The following PARP9 variants were observed in gnomAD, a reference collection of about 807,000 sequenced individuals.
PARP9 encodes the protein poly(ADP-ribose) polymerase family member 9.
A neutral mutation model predicts 68.8 loss-of-function variants in PARP9; 48 were observed. That is an observed-to-expected ratio of 0.70 (90% CI 0.55 to 0.89). The LOEUF (loss-of-function observed/expected upper bound fraction) is 0.89, where lower values mean the gene tolerates loss of function less well. Ranked by LOEUF, PARP9 falls within the 40% of genes least tolerant of loss-of-function variation. PARP9 has a pLI of 0.00. For synonymous variants in PARP9, 309 were observed against 333.8 expected, an observed-to-expected ratio of 0.93 and a Z score of 0.81; for missense variants, 806 against 969.3, an observed-to-expected ratio of 0.83 and a Z score of 2.24.
In PARP9 at chr3:122,550,760, C is replaced by T. The variant is rs748701904; in HGVS notation, c.1150G>A (p.Glu384Lys). 10 of 1,614,088 alleles carry T rather than the reference C, an allele frequency of 6.2e-6. No homozygotes were observed. In the South Asian group the frequency reaches 6.6e-5, roughly 11 times the overall value. ...AAGGAAATGGAAGTTATATTTTGCT[C>T]AATGCATTTTTCCAAACACTCCTTC... ...AMKECLEKCI[E>K]QNITSISFPA... is the part of the protein sequence containing the mutation. Residue 384 changes from glutamate to lysine, a missense_variant, in exon 6 of 11, where the codon GAG becomes AAG. This residue lies in a region of PARP9 where 680 missense variants were observed against 858.8 expected (regional missense o/e 0.79). Transcript: ENST00000682323.
intron 8 of PARP9, among the ~76,000 whole-genome samples, chr3:122,539,806 C>T (rs1375585221): frequency 6.6e-6 from 1 of 152,044 alleles, no homozygotes; most frequent in South Asian, 2.1e-4. Flanking sequence ...TCAGGTGATG[C>T]GCCCACCTCG....
chr3:122,545,641 C>T, intron 6 of PARP9, 152 bp from the exon 7 acceptor site: 1 of 686,674 alleles, frequency 1.5e-6, no homozygotes, highest in East Asian at 2.7e-5. Flanking sequence ...TTAGGAAAGT[C>T]CCAGAGAAGA....
rs1193925196 is a variant in PARP9, at chr3:122,552,576, T to C, written c.949A>G (p.Ile317Val). The change falls in exon 5 of 11, where the codon ATT becomes GTT. Residue 317 changes from isoleucine (I) to valine (V), a missense_variant. Physicochemically the swap from Ile to Val is conservative, Grantham distance 29. This residue lies in a region of PARP9 where 680 missense variants were observed against 858.8 expected (regional missense o/e 0.79). Transcript: ENST00000682323. Reference protein sequence around the residue: ...DITVGPVAKSILQQAGVEMKS... With the variant: ...DITVGPVAKSVLQQAGVEMKS... ...ATTTCAACTCCTGCTTGTTGTAGAA[T>C]TGACTTTGCCACAGGTCCAACTGTA... 2.5e-6 allele frequency: 4 copies of C among 1,614,012 alleles called. No individual in the cohort carries two copies. Among genetic ancestry groups the C allele is most frequent in the East Asian group, 2.2e-5 (1 of 44,878 alleles).
intron 4 of PARP9, 140 bp downstream of exon 4, chr3:122,555,146 G>C (rs1308539277): frequency 1.1e-6 from 1 of 879,684 alleles, no homozygotes; most frequent in Non-Finnish European, 1.7e-6. Context: ...TGGGTTACAG[G>C]CATGTACCAC....
At chr3:122,536,890 A>G (rs1559810700) in intron 9 of PARP9, 44 bp downstream of exon 9, 1 of 1,578,704 alleles carries the variant, frequency 6.3e-7, no homozygotes, top group Non-Finnish European at 8.6e-7. Context: ...AAACAAGTTA[A>G]TTAACAACAA....
At chr3:122,533,783 G>A in intron 10 of PARP9, 1 of 985,428 alleles carries the variant, frequency 1.0e-6, no homozygotes, top group Non-Finnish European at 1.2e-6. Context: ...TGGTTGGAAT[G>A]CAAACATAAA....
At chr3:122,530,378 A>G (rs2077226517) in intron 10 of PARP9, among the ~76,000 whole-genome samples, 1 of 152,106 alleles carries the variant, frequency 6.6e-6, no homozygotes. Context: ...CTCCACGTGC[A>G]TGTTATCTAG....
chr3:122,528,427 T>G lies in PARP9; in HGVS notation c.2397A>C (p.Gly799=). The G allele has an allele frequency of 6.2e-7, 1 of 1,614,232 alleles. No individual in the cohort carries two copies. Among genetic ancestry groups the G allele is most frequent in the Non-Finnish European group, 8.5e-7 (1 of 1,180,038 alleles). ...GATGCTGTGCAAAGGGTCTCATTGG[T>G]CCTGATGAGTAATCTTGTGACTGTA... ...EYVQSQDYSS[G]PMRPFAQHPW... The change falls in exon 11 of 11, where the codon GGA becomes GGC. Residue 799 remains glycine (G), a synonymous_variant. Coordinates refer to ENST00000682323, the MANE Select transcript of PARP9 (RefSeq NM_001146105.2).
intron 10 of PARP9, among the ~76,000 whole-genome samples, chr3:122,529,907 TC>T (rs1391100695): frequency 6.6e-6 from 1 of 151,902 alleles, no homozygotes; most frequent in African/African-American, 2.4e-5. Flanking sequence ...GAAAAATATG[TC>T]ATCTGGGCCC....
chr3:122,542,800 G>A (rs1340549138), intron 7 of PARP9, among the ~76,000 whole-genome samples: 1 of 151,862 alleles, frequency 6.6e-6, no homozygotes, highest in African/African-American at 2.4e-5. Context: ...TCTAACTTTA[G>A]TATATGTGTT....
Position 122,533,386 on chromosome 3 carries a change from CA to C in PARP9, c.2080+2781del, listed in dbSNP as rs2077433729. 3 of 152,072 alleles carry C rather than the reference CA, an allele frequency of 2.0e-5. No individual in the cohort carries two copies. The South Asian group carries it at 6.2e-4, about 32-fold the overall frequency. The allele number at this position is 152,072 out of a possible 1,614,324, so 9.4% of individuals were successfully genotyped here. ...CTATGGGACATCTGGGTAAAGATGT[CA>C]AAAAGAGAGTGAGACATATGAACCT... On this transcript the variant is annotated intron_variant, in intron 10 of 10. Transcript: ENST00000682323.
chr3:122,528,723 T>C lies in PARP9; in HGVS notation c.2101A>G (p.Ile701Val), dbSNP rs2107526622. The C allele has an allele frequency of 1.9e-6, 3 of 1,598,224 alleles. No homozygotes were observed. The highest frequency in any genetic ancestry group is 4.5e-5 in the East Asian group (2 of 44,692). Residue 701 changes from isoleucine to valine, a missense_variant, in exon 11 of 11, where the codon ATA (isoleucine) becomes GTA (valine). Ile to Val is a conservative substitution (Grantham distance 29, BLOSUM62 3). This residue lies in a region of PARP9 where 680 missense variants were observed against 858.8 expected (regional missense o/e 0.79). Transcript: ENST00000682323. ...TTTTTGAGGTTCTTGGTGAAGTATA[T>C]GCCAGCTCCGTATTTTGGATCTGAT... Reference protein sequence around the residue: ...TPCDPKYGAGIYFTKNLKNLA... With the variant: ...TPCDPKYGAGVYFTKNLKNLA...
Position 122,552,651 on chromosome 3 carries a change from A to C in PARP9, c.886-12T>G. The stretch of plus-strand genomic sequence containing the variant: ...ACAATTACATCTGCCTGAAAAGGGA[A>C]GAAAGGGTAGGATTCATTGTTAAAT... On this transcript the variant is annotated splice_polypyrimidine_tract_variant and intron_variant, in intron 4 of 10. Coordinates refer to ENST00000682323, the MANE Select transcript of PARP9 (RefSeq NM_001146105.2). 1 of 1,569,638 alleles carries C rather than the reference A, an allele frequency of 6.4e-7. No homozygotes were observed. The highest frequency in any genetic ancestry group is 8.8e-7 in the Non-Finnish European group (1 of 1,140,170).
chr3:122,539,557 T>G, intron 8 of PARP9, among the ~76,000 whole-genome samples: 1 of 137,248 alleles, frequency 7.3e-6, no homozygotes, highest in East Asian at 2.2e-4. Flanking sequence ...CTTTCTTTCT[T>G]TCTTTCTTTC....
chr3:122,558,714 A>G (rs2079930868), intron 2 of PARP9, among the ~76,000 whole-genome samples: 1 of 151,930 alleles, frequency 6.6e-6, no homozygotes, highest in Non-Finnish European at 1.5e-5. Flanking sequence ...TTTAAATTTA[A>G]TTTTATTGTT....
At chr3:122,552,138 TCA>T (rs2079253899) in intron 5 of PARP9, among the ~76,000 whole-genome samples, 1 of 152,044 alleles carries the variant, frequency 6.6e-6, no homozygotes, top group South Asian at 2.1e-4. Flanking sequence ...TAGGCTGGTC[TCA>T]GACTCCTGGG....
At chr3:122,542,417 T>A (rs774852250) in intron 7 of PARP9, among the ~76,000 whole-genome samples, 47 of 151,584 alleles carry the variant, frequency 3.1e-4, no homozygotes, top group Non-Finnish European at 5.5e-4. Context: ...AATACTAATT[T>A]TTTTTTTGAG....
chr3:122,540,329 G>T (rs1251286469), intron 8 of PARP9, 143 bp downstream of exon 8: 5 of 1,064,698 alleles, frequency 4.7e-6, no homozygotes, highest in Non-Finnish European at 6.6e-6. Flanking sequence ...GCTCACAAAG[G>T]CTTATGATCT....
rs774833801 is a variant in PARP9 at position 122,545,507 on chromosome 3, G to A, written c.1327-18C>T. 2.5e-6 allele frequency: 4 copies of A among 1,613,806 alleles called. No individual in the cohort carries two copies. The highest frequency in any genetic ancestry group is 3.4e-6 in the Non-Finnish European group (4 of 1,179,842). On this transcript the variant is annotated intron_variant, in intron 6 of 10. Coordinates refer to ENST00000682323, the MANE Select transcript of PARP9 (RefSeq NM_001146105.2). The stretch of plus-strand genomic sequence containing the variant: ...CTGAAAGCCTACAAGAAGCAAAACA[G>A]AGCAGAGAGTCATAAGCAGGGCTGA...
Sources: gnomAD v4.1 joint callset for allele counts (sites outside exome capture counted in the v4.1 genomes callset) on GRCh38, gnomAD v4.1.1 for gene constraint, gnomAD v4.1.1 regional missense constraint, MANE v1.5 for transcripts, NCBI Gene and HGNC (gene_info 2026-07-23, HGNC 2026-07-21) for gene names.